Variants in IDE observed in about 807,000 individuals in gnomAD.
IDE encodes insulin degrading enzyme, also known as insulin-degrading enzyme.
IDE carries 58 observed loss-of-function variants against 133.2 expected under a neutral mutation model. The observed-to-expected ratio is 0.44, with a 90% CI of 0.35 to 0.54. The LOEUF (loss-of-function observed/expected upper bound fraction) is 0.54. Among genes scored for constraint, IDE ranks in the 20% least tolerant of loss-of-function variants. The pLI is 0.00. For missense variants in IDE, 981 were observed against 1,234.0 expected (o/e 0.79, Z 3.07); for synonymous variants, 396 against 421.3 (o/e 0.94, Z 0.73).
rs61861405 is a variant in IDE at position 92,556,042 on chromosome 10, G to A, written c.98+17880C>T. On this transcript the variant is annotated intron_variant, in intron 1 of 24. Coordinates refer to ENST00000265986, the MANE Select transcript of IDE (RefSeq NM_004969.4). ...CAAAAAATTAGCGGGGCGCGGTGGC[G>A]GGCGCCTGTAGTCCCAGCTACTCGG... Among the ~76,000 whole-genome samples, 154 of 151,484 alleles carry A rather than the reference G, an allele frequency of 1.0e-3. 2 individuals are homozygous for A. The East Asian group carries it at 0.02, about 20-fold the overall frequency.
chr10:92,527,931 G>A (rs932086931), intron 4 of IDE, among the ~76,000 whole-genome samples: 10 of 152,172 alleles, frequency 6.6e-5, no homozygotes, highest in Admixed American at 2.0e-4. Flanking sequence ...CAGGGGAATC[G>A]TTTGAACCTG....
chr10:92,568,050 A>G lies in IDE; in HGVS notation c.98+5872T>C, dbSNP rs74882330. ...CTTCAAAGACTCTTGTTCAAATCCT[A>G]TGTTCTCTGCAAAGCTCTCGCCATT... On this transcript the variant is annotated intron_variant, in intron 1 of 24. Transcript: ENST00000265986. Among the ~76,000 whole-genome samples, 372 of 152,280 alleles carry G rather than the reference A, an allele frequency of 2.4e-3. 1 individual carries two copies. The highest frequency in any genetic ancestry group is 8.5e-3 in the African/African-American group (355 of 41,568).
At chr10:92,460,889 G>A (rs1223622232) in intron 22 of IDE, among the ~76,000 whole-genome samples, 2 of 152,184 alleles carry the variant, frequency 1.3e-5, no homozygotes, top group Admixed American at 6.5e-5. Context: ...CACCCAGACA[G>A]GAGTGCAGTG....
intron 14 of IDE, chr10:92,479,717 T>C: frequency 7.7e-6 from 2 of 260,126 alleles, no homozygotes; most frequent in Non-Finnish European, 1.5e-5. Flanking sequence ...ACTGACAAGT[T>C]AGAAATGCAG....
intron 23 of IDE, 38 bp downstream of exon 23, chr10:92,456,317 ATGGC>A: frequency 7.2e-7 from 1 of 1,383,800 alleles, no homozygotes; most frequent in Non-Finnish European, 1.0e-6. Context: ...CAACCATCAG[ATGGC>A]TCAACATGAG....
At chr10:92,480,002 T>TC (rs1268778078) in intron 14 of IDE, among the ~76,000 whole-genome samples, 1 of 152,200 alleles carries the variant, frequency 6.6e-6, no homozygotes, top group Non-Finnish European at 1.5e-5. Flanking sequence ...TGATAATTTC[T>TC]ATCATATAAC....
chr10:92,462,865 G>A (rs1244032890), intron 21 of IDE, among the ~76,000 whole-genome samples: 1 of 152,122 alleles, frequency 6.6e-6, no homozygotes, highest in Non-Finnish European at 1.5e-5. Context: ...ATAAATGAGA[G>A]ACAGTATTAT....
chr10:92,498,477 C>T (rs750644744), intron 11 of IDE, among the ~76,000 whole-genome samples: 1 of 152,024 alleles, frequency 6.6e-6, no homozygotes, highest in African/African-American at 2.4e-5. Context: ...AAATACAGGC[C>T]GGGCATGGTG....
intron 13 of IDE, among the ~76,000 whole-genome samples, chr10:92,486,298 C>T (rs1846991948): frequency 2.0e-5 from 3 of 151,136 alleles, no homozygotes; most frequent in East Asian, 2.0e-4. Flanking sequence ...TACAGTGAGC[C>T]GAGATCATGC....
intron 9 of IDE, among the ~76,000 whole-genome samples, chr10:92,507,054 C>A (rs1213526231): frequency 1.3e-5 from 2 of 151,958 alleles, no homozygotes; most frequent in Non-Finnish European, 2.9e-5. Flanking sequence ...TTTTTAAAAA[C>A]CCTTTTTTAA....
At chr10:92,488,644 G>T (rs530976901) in intron 12 of IDE, among the ~76,000 whole-genome samples, 3 of 152,130 alleles carry the variant, frequency 2.0e-5, no homozygotes, top group African/African-American at 7.2e-5. Context: ...GGGTATGGTG[G>T]TGTGCACCTG....
chr10:92,552,708 A>C (rs1225664958), intron 1 of IDE, among the ~76,000 whole-genome samples: 1 of 151,638 alleles, frequency 6.6e-6, no homozygotes, highest in African/African-American at 2.4e-5. Flanking sequence ...AAAATACAAA[A>C]ATTAGCCAGG....
chr10:92,456,717 T>C (rs1435854033), intron 22 of IDE, among the ~76,000 whole-genome samples: 1 of 151,670 alleles, frequency 6.6e-6, no homozygotes, highest in Non-Finnish European at 1.5e-5. Flanking sequence ...CACATGCTTG[T>C]AATCCCAGAT....
chr10:92,520,929 A>T (rs560341284), intron 4 of IDE, among the ~76,000 whole-genome samples: 1 of 152,348 alleles, frequency 6.6e-6, no homozygotes, highest in Admixed American at 6.5e-5. Context: ...GATTACATGG[A>T]CTAAAATATA....
intron 11 of IDE, among the ~76,000 whole-genome samples, chr10:92,492,910 C>T (rs973061842): frequency 6.6e-5 from 10 of 152,258 alleles, no homozygotes; most frequent in South Asian, 6.2e-4. Context: ...ATCTGCTTTT[C>T]GGTAGATATC....
intron 1 of IDE, among the ~76,000 whole-genome samples, chr10:92,562,068 C>T (rs530358253): frequency 5.7e-4 from 87 of 152,274 alleles, no homozygotes; most frequent in Middle Eastern, 3.4e-3. Context: ...TCTTCCCTAG[C>T]TCAAGCTAAT....
intron 12 of IDE, among the ~76,000 whole-genome samples, chr10:92,488,776 A>C (rs1027813549): frequency 7.1e-6 from 1 of 141,016 alleles, no homozygotes; most frequent in Non-Finnish European, 1.6e-5. Context: ...GACTCTGTCT[A>C]AAAAAAAAAA....
rs374934718 is a variant in IDE, at chr10:92,510,074, G to A, written c.873C>T (p.His291=). The A allele has an allele frequency of 1.9e-5, 31 of 1,593,738 alleles. No individual in the cohort carries two copies. The highest frequency in any genetic ancestry group is 1.9e-5 in the Non-Finnish European group (22 of 1,163,528). Residue 291 remains histidine, a synonymous_variant, in exon 6 of 25, where the codon CAC becomes CAT. Coordinates refer to ENST00000265986, the MANE Select transcript of IDE (RefSeq NM_004969.4). The part of the protein sequence containing the change: ...KNVPLPEFPE[H]PFQEEHLKQL... Reference sequence around the variant, plus strand: ...CTTTAAGATGTTCTTCTTGGAAAGGGTGTTCAGGAAATTCTGGCAATGGAA... The same window carrying A: ...CTTTAAGATGTTCTTCTTGGAAAGGATGTTCAGGAAATTCTGGCAATGGAA...
At chr10:92,537,327 G>C in intron 2 of IDE, 39 bp downstream of exon 2, 1 of 1,512,784 alleles carries the variant, frequency 6.6e-7, no homozygotes, top group Non-Finnish European at 9.0e-7. Flanking sequence ...TTAGGTCAAT[G>C]AAACAAAACA....
Sources: allele counts gnomAD v4.1 joint callset (sites outside exome capture counted in the v4.1 genomes callset), GRCh38; gene constraint gnomAD v4.1.1; transcripts MANE v1.5; gene names NCBI Gene and HGNC (gene_info 2026-07-23, HGNC 2026-07-21).